CFAP54: variants seen among roughly 807,000 people sequenced by gnomAD.
CFAP54 encodes cilia and flagella associated protein 54.
In CFAP54, 290 loss-of-function variants were observed where a neutral mutation model predicts 370.4. That is an observed-to-expected ratio of 0.78 (90% CI 0.71 to 0.86). The LOEUF is 0.86. Ranked by LOEUF, CFAP54 falls within the 40% of genes least tolerant of loss-of-function variation. The probability of loss-of-function intolerance (pLI) is 0.00; values close to 1 mark genes in which losing one functional copy is unlikely to be tolerated. For missense variants in CFAP54, 3,399 were observed against 3,528.7 expected, an observed-to-expected ratio of 0.96 and a Z score of 0.93; for synonymous variants, 1,206 against 1,236.5, an observed-to-expected ratio of 0.98 and a Z score of 0.52.
At chr12:96,641,055 G>C (rs11108601) in intron 32 of CFAP54, among the ~76,000 whole-genome samples, 5,593 of 151,936 alleles carry the variant, frequency 0.037, 133 homozygotes, top group African/African-American at 0.076. Flanking sequence ...GCAATGGCAA[G>C]AAAAGCCAAA....
At chr12:96,645,566 A>G (rs1473970150) in intron 33 of CFAP54, 5 of 153,288 alleles carry the variant, frequency 3.3e-5, no homozygotes, top group African/African-American at 1.2e-4. Context: ...TCAAGCTACC[A>G]ATGACTTTCT....
At chr12:96,547,655 T>A (rs1955654786) in intron 14 of CFAP54, among the ~76,000 whole-genome samples, 1 of 152,210 alleles carries the variant, frequency 6.6e-6, no homozygotes, top group South Asian at 2.1e-4. Context: ...TAGTGTTGAA[T>A]CATTTCTGAG....
At chr12:96,835,594 C>T (rs550005704) in intron 66 of CFAP54, among the ~76,000 whole-genome samples, 80 of 152,262 alleles carry the variant, frequency 5.3e-4, no homozygotes, top group Admixed American at 2.0e-3. Flanking sequence ...GGAGCAGGTG[C>T]CAACAGCAAG....
intron 8 of CFAP54, among the ~76,000 whole-genome samples, chr12:96,523,351 C>T (rs1955341384): frequency 6.6e-6 from 1 of 152,194 alleles, no homozygotes. Context: ...AAGTCCAGTG[C>T]TTGGCCTCTA....
At chr12:96,796,286 A>G (rs188514903) in intron 63 of CFAP54, among the ~76,000 whole-genome samples, 1 of 152,272 alleles carries the variant, frequency 6.6e-6, no homozygotes, top group Admixed American at 6.5e-5. Context: ...CCTATCTCCT[A>G]TATGCCATTC....
At chr12:96,571,503 A>G (rs1391320939) in intron 19 of CFAP54, among the ~76,000 whole-genome samples, 1 of 152,124 alleles carries the variant, frequency 6.6e-6, no homozygotes, top group Non-Finnish European at 1.5e-5. Flanking sequence ...GCACTGTGGT[A>G]GGTAGTATAA....
At chr12:96,710,066 A>G (rs1305289396) in intron 48 of CFAP54, among the ~76,000 whole-genome samples, 1 of 152,172 alleles carries the variant, frequency 6.6e-6, no homozygotes, top group African/African-American at 2.4e-5. Flanking sequence ...TTTGTTGAAA[A>G]TGATTGCATT....
At chr12:96,768,382 G>A (rs980110826) in intron 60 of CFAP54, among the ~76,000 whole-genome samples, 1 of 151,918 alleles carries the variant, frequency 6.6e-6, no homozygotes, top group Non-Finnish European at 1.5e-5. Context: ...GCTGGGTGCG[G>A]TGGGTTATGG....
At chr12:96,833,721 C>G (rs1009188656) in intron 66 of CFAP54, among the ~76,000 whole-genome samples, 4 of 151,860 alleles carry the variant, frequency 2.6e-5, no homozygotes, top group African/African-American at 9.7e-5. Flanking sequence ...TTTTTTAGTT[C>G]AAGATTTTTA....
At position 96,711,241 on chromosome 12, in the gene CFAP54, G is replaced by T. The variant is rs527631455; in HGVS notation, c.6724+2438G>T. Among the ~76,000 whole-genome samples the T allele has an allele frequency of 7.9e-5, 12 of 151,920 alleles. No individual in the cohort carries two copies. The East Asian group carries it at 1.5e-3, about 20-fold the overall frequency. On this transcript the variant is annotated intron_variant, in intron 48 of 67. Transcript: ENST00000524981. ...TAATTCTTTTTTTAAATTCTGTAAG[G>T]TTAGTAGTAATGTTTCCTCTTTCAT...
At chr12:96,493,916 A>G (rs1375950403) in intron 1 of CFAP54, among the ~76,000 whole-genome samples, 1 of 152,226 alleles carries the variant, frequency 6.6e-6, no homozygotes, top group Non-Finnish European at 1.5e-5. Flanking sequence ...TATGGAGTGG[A>G]AGATAGGAAG....
Position 96,753,759 on chromosome 12 carries a change from G to A in CFAP54, c.7701G>A (p.Lys2567=), listed in dbSNP as rs1861328962. ...IKMRIGHTVA[K]QVYYKNKRKD... ...TTCTTTTAGGACATACAGTGGCCAA[G>A]CAAGTATATTACAAGAATAAAAGGA... Residue 2567 remains lysine, a synonymous_variant, in exon 56 of 68, where the codon AAG becomes AAA. Coordinates refer to ENST00000524981, the MANE Select transcript of CFAP54 (RefSeq NM_001306084.2). 1.2e-6 allele frequency: 2 copies of A among 1,613,720 alleles called. No individual in the cohort carries two copies. Among genetic ancestry groups the A allele is most frequent in the South Asian group, 1.1e-5 (1 of 91,036 alleles).
At chr12:96,681,894 C>T (rs118177759) in intron 40 of CFAP54, among the ~76,000 whole-genome samples, 4 of 151,950 alleles carry the variant, frequency 2.6e-5, no homozygotes, top group African/African-American at 7.2e-5. Flanking sequence ...CCATTGTGCC[C>T]GGCCCCTCTG....
At chr12:96,593,659 TCAGA>T (rs1263587422) in intron 24 of CFAP54, among the ~76,000 whole-genome samples, 1 of 151,980 alleles carries the variant, frequency 6.6e-6, no homozygotes, top group Non-Finnish European at 1.5e-5. Flanking sequence ...TGGTTACCAC[TCAGA>T]CAGTTTCTTT....
chr12:96,616,538 A>G (rs1479018701), intron 26 of CFAP54, among the ~76,000 whole-genome samples: 3 of 152,008 alleles, frequency 2.0e-5, no homozygotes, highest in Non-Finnish European at 1.5e-5. Context: ...GAAAAAGATA[A>G]TTAGATTACA....
At chr12:96,829,686 G>A (rs1959164947) in intron 66 of CFAP54, among the ~76,000 whole-genome samples, 1 of 151,454 alleles carries the variant, frequency 6.6e-6, no homozygotes, top group Non-Finnish European at 1.5e-5. Context: ...GAGTAAAAAA[G>A]TATACGTACA....
intron 5 of CFAP54, among the ~76,000 whole-genome samples, chr12:96,518,143 T>C (rs1487836794): frequency 6.6e-6 from 1 of 152,198 alleles, no homozygotes; most frequent in Non-Finnish European, 1.5e-5. Flanking sequence ...GGTAAAATGA[T>C]CCAGCCACTA....
chr12:96,809,703 A>T (rs1186670536), intron 63 of CFAP54, among the ~76,000 whole-genome samples: 1 of 152,200 alleles, frequency 6.6e-6, no homozygotes. Flanking sequence ...AACACTAAAA[A>T]GCATATTTAG....
chr12:96,699,638 C>CA lies in CFAP54; in HGVS notation c.6352-325dup, dbSNP rs541656249. 3.0e-4 allele frequency among the ~76,000 whole-genome samples: 46 copies of CA among 151,500 alleles called. No individual in the cohort carries two copies. The South Asian group carries it at 5.2e-3, about 17-fold the overall frequency. On this transcript the variant is annotated intron_variant, in intron 45 of 67. Coordinates refer to ENST00000524981, the MANE Select transcript of CFAP54 (RefSeq NM_001306084.2). ...TTTGAGCTATAGTTAGTAATGGGAA[C>CA]AAAAAAAATCATTAAAAAAACTTTT... is the stretch of plus-strand genomic sequence containing the variant.
Sources: gnomAD v4.1 joint callset for allele counts (sites outside exome capture counted in the v4.1 genomes callset) on GRCh38, gnomAD v4.1.1 for gene constraint, MANE v1.5 for transcripts, NCBI Gene and HGNC (gene_info 2026-07-23, HGNC 2026-07-21) for gene names.